Variants in PPFIA2 observed in about 807,000 individuals in gnomAD.
PPFIA2 encodes liprin-alpha-2.
In PPFIA2, 46 loss-of-function variants were observed where a neutral mutation model predicts 175.5. The observed-to-expected ratio is 0.26, with a 90% CI of 0.21 to 0.34. The LOEUF (loss-of-function observed/expected upper bound fraction) is 0.34. Ranked by LOEUF, PPFIA2 falls within the 10% of genes least tolerant of loss-of-function variation. The pLI is 1.00. For synonymous variants in PPFIA2, 568 were observed against 511.4 expected (o/e 1.11, Z -1.49); for missense variants, 1,179 against 1,506.1 (o/e 0.78, Z 3.60).
chr12:81,424,526 CCAAA>C (rs752383471), intron 7 of PPFIA2, among the ~76,000 whole-genome samples: 10 of 152,058 alleles, frequency 6.6e-5, no homozygotes, highest in Non-Finnish European at 1.2e-4. Flanking sequence ...TTAATAAATT[CCAAA>C]CATTCTTTAT....
intron 4 of PPFIA2, among the ~76,000 whole-genome samples, chr12:81,664,869 G>C (rs911010580): frequency 6.6e-6 from 1 of 152,022 alleles, no homozygotes; most frequent in Non-Finnish European, 1.5e-5. Flanking sequence ...AAAAAAGGAT[G>C]AGTTAATGTC....
chr12:81,576,501 G>A (rs2073572917), intron 4 of PPFIA2, among the ~76,000 whole-genome samples: 1 of 151,544 alleles, frequency 6.6e-6, no homozygotes, highest in Non-Finnish European at 1.5e-5. Flanking sequence ...TTTAGATAAG[G>A]CCTACTTATT....
chr12:81,381,674 T>C (rs1196899664), intron 9 of PPFIA2, among the ~76,000 whole-genome samples: 1 of 152,102 alleles, frequency 6.6e-6, no homozygotes, highest in African/African-American at 2.4e-5. Flanking sequence ...TGAGTTTGAA[T>C]TGTGGGGAGT....
intron 28 of PPFIA2, among the ~76,000 whole-genome samples, chr12:81,274,504 A>G (rs1197473579): frequency 6.6e-6 from 1 of 152,066 alleles, no homozygotes; most frequent in Non-Finnish European, 1.5e-5. Context: ...CCTCCTCAGA[A>G]CAAAATACTT....
intron 3 of PPFIA2, among the ~76,000 whole-genome samples, chr12:81,692,899 T>C (rs1401312381): frequency 6.6e-6 from 1 of 152,132 alleles, no homozygotes; most frequent in African/African-American, 2.4e-5. Context: ...AATAAAGATA[T>C]AAAATTCTAT....
intron 4 of PPFIA2, among the ~76,000 whole-genome samples, chr12:81,503,563 A>G (rs2060823083): frequency 6.6e-6 from 1 of 152,036 alleles, no homozygotes; most frequent in South Asian, 2.1e-4. Flanking sequence ...AAAAAAAAAA[A>G]AAGTTTCATT....
At chr12:81,515,313 C>T (rs1300582960) in intron 4 of PPFIA2, among the ~76,000 whole-genome samples, 1 of 151,798 alleles carries the variant, frequency 6.6e-6, no homozygotes, top group Non-Finnish European at 1.5e-5. Context: ...GGATAGAAAG[C>T]GTGCTGTGTT....
chr12:81,422,480 A>C (rs190417261), intron 7 of PPFIA2, among the ~76,000 whole-genome samples: 30 of 152,236 alleles, frequency 2.0e-4, no homozygotes, highest in African/African-American at 7.0e-4. Flanking sequence ...GAAAATTCAC[A>C]GCATGGGAAG....
rs115852704 is a variant in PPFIA2 at position 81,592,801 on chromosome 12, G to A, written c.303+83990C>T. ...CACAGGGTATCACTCTGTCACCCAGGTTGGAATTCACTGGTGCGATCTTGG... is the reference window on the plus strand; with the variant it reads ...CACAGGGTATCACTCTGTCACCCAGATTGGAATTCACTGGTGCGATCTTGG... On this transcript the variant is annotated intron_variant, in intron 4 of 32. Coordinates refer to ENST00000549396, the MANE Select transcript of PPFIA2 (RefSeq NM_003625.5). 1.3e-3 allele frequency among the ~76,000 whole-genome samples: 204 copies of A among 151,788 alleles called. 2 individuals carry two copies. The highest frequency in any genetic ancestry group is 4.8e-3 in the African/African-American group (199 of 41,342).
chr12:81,496,957 C>G (rs899070376), intron 4 of PPFIA2, among the ~76,000 whole-genome samples: 4 of 152,180 alleles, frequency 2.6e-5, no homozygotes, highest in African/African-American at 9.7e-5. Flanking sequence ...ACACGAGAGG[C>G]TCTAAAATGG....
intron 4 of PPFIA2, among the ~76,000 whole-genome samples, chr12:81,564,548 G>T (rs1444667603): frequency 6.6e-6 from 1 of 152,166 alleles, no homozygotes; most frequent in Non-Finnish European, 1.5e-5. Flanking sequence ...GCCCAAAAAT[G>T]CTAAGGACTC....
At chr12:81,366,211 A>T (rs2033377374) in intron 14 of PPFIA2, among the ~76,000 whole-genome samples, 1 of 151,504 alleles carries the variant, frequency 6.6e-6, no homozygotes, top group Non-Finnish European at 1.5e-5. Flanking sequence ...TTAAAAAAAT[A>T]AGATAAAATT....
intron 4 of PPFIA2, among the ~76,000 whole-genome samples, chr12:81,499,961 C>T (rs1004286944): frequency 1.3e-5 from 2 of 152,144 alleles, no homozygotes; most frequent in African/African-American, 4.8e-5. Context: ...TTGCTATTTT[C>T]AGTCCTCTCC....
chr12:81,388,456 T>C (rs745750063), intron 8 of PPFIA2, among the ~76,000 whole-genome samples: 1 of 151,864 alleles, frequency 6.6e-6, no homozygotes, highest in Non-Finnish European at 1.5e-5. Context: ...TAATCTATCA[T>C]GGCAGGAAAA....
At chr12:81,432,892 T>G (rs888158258) in intron 7 of PPFIA2, among the ~76,000 whole-genome samples, 8 of 152,168 alleles carry the variant, frequency 5.3e-5, no homozygotes, top group African/African-American at 1.7e-4. Context: ...TATTATTATG[T>G]TAACCAAACG....
intron 3 of PPFIA2, among the ~76,000 whole-genome samples, chr12:81,733,572 C>T (rs1315264743): frequency 4.0e-5 from 6 of 151,608 alleles, no homozygotes; most frequent in Admixed American, 4.0e-4. Context: ...ACATACTTTT[C>T]TGAGATTTTA....
intron 3 of PPFIA2, among the ~76,000 whole-genome samples, chr12:81,726,389 T>G (rs905501486): frequency 2.0e-5 from 3 of 151,276 alleles, no homozygotes; most frequent in Non-Finnish European, 4.4e-5. Flanking sequence ...CACCTGTTCA[T>G]CTCTTCCCAT....
intron 4 of PPFIA2, among the ~76,000 whole-genome samples, chr12:81,655,592 G>T (rs2067668596): frequency 6.6e-6 from 1 of 151,702 alleles, no homozygotes; most frequent in Non-Finnish European, 1.5e-5. Context: ...AAAAATTTTA[G>T]CACTTTTTAG....
At chr12:81,447,126 G>C (rs752088577) in intron 5 of PPFIA2, among the ~76,000 whole-genome samples, 3 of 151,882 alleles carry the variant, frequency 2.0e-5, no homozygotes, top group Non-Finnish European at 4.4e-5. Flanking sequence ...GTGAAACCCC[G>C]TCTCTACTAA....
Sources: allele counts gnomAD v4.1 joint callset (sites outside exome capture counted in the v4.1 genomes callset), GRCh38; gene constraint gnomAD v4.1.1; transcripts MANE v1.5; gene names NCBI Gene and HGNC (gene_info 2026-07-23, HGNC 2026-07-21).